Variants in UBE2S observed in about 807,000 individuals in gnomAD.
UBE2S encodes the protein ubiquitin-conjugating enzyme E2 S.
UBE2S carries 3 observed loss-of-function variants against 12.3 expected under a neutral mutation model. The observed-to-expected ratio is 0.24, with a 90% CI of 0.11 to 0.63. The LOEUF (loss-of-function observed/expected upper bound fraction) is 0.63, where lower values mean the gene tolerates loss of function less well. Among genes scored for constraint, UBE2S ranks in the 30% least tolerant of loss-of-function variants. The pLI is 0.85. For synonymous variants in UBE2S, 133 were observed against 142.0 expected (o/e 0.94, Z 0.45); for missense variants, 211 against 313.9 (o/e 0.67, Z 2.48).
chr19:55,406,074 G>A (rs916769599), intron 2 of UBE2S, among the ~76,000 whole-genome samples: 41 of 152,318 alleles, frequency 2.7e-4, no homozygotes, highest in African/African-American at 9.1e-4. Flanking sequence ...AAAAGAGCTT[G>A]GCAGCTTCAT....
At chr19:55,407,079 CT>C in intron 1 of UBE2S, 117 bp from the exon 2 acceptor site, 1 of 1,296,348 alleles carries the variant, frequency 7.7e-7, no homozygotes, top group South Asian at 1.5e-5. Context: ...GTCAATCACC[CT>C]TGAACTCCCA....
chr19:55,402,785 G>T (rs575678180), intron 3 of UBE2S, among the ~76,000 whole-genome samples: 2 of 152,306 alleles, frequency 1.3e-5, no homozygotes, highest in South Asian at 4.1e-4. Flanking sequence ...CACCCCAGGG[G>T]AAGGGAGGCG....
chr19:55,403,247 A>G (rs906948243), intron 3 of UBE2S: 28 of 586,322 alleles, frequency 4.8e-5, no homozygotes, highest in Non-Finnish European at 7.3e-5. Context: ...TGAACTGTAT[A>G]CTTTGGAACT....
chr19:55,407,257 G>C (rs1021731203), intron 1 of UBE2S, among the ~76,000 whole-genome samples: 1 of 141,474 alleles, frequency 7.1e-6, no homozygotes, highest in Non-Finnish European at 1.5e-5. Context: ...GTAGGCCAGA[G>C]ATCTACTCTC....
At chr19:55,405,511 G>A (rs539530377) in intron 2 of UBE2S, among the ~76,000 whole-genome samples, 31 of 151,410 alleles carry the variant, frequency 2.0e-4, no homozygotes, top group African/African-American at 7.0e-4. Flanking sequence ...TCCGTTTAGA[G>A]AGAGAAAAAA....
chr19:55,400,726 T>C lies in UBE2S; in HGVS notation c.*710A>G, dbSNP rs1025633028. 4 of 152,462 alleles carry C rather than the reference T, an allele frequency of 2.6e-5. No homozygotes were observed. The highest frequency in any genetic ancestry group is 1.9e-4 in the East Asian group (1 of 5,186). The allele number at this position is 152,462 out of a possible 1,614,324, so 9.4% of individuals were successfully genotyped here. A position where few individuals can be genotyped will look rare whatever the true frequency, so the allele number is the denominator to read the frequency against. ...CACTGAGCAGAGACTAGCTCAGCCG[T>C]GTCCAGACTTCCAACACAAAGTCTG... On this transcript the variant is annotated 3_prime_UTR_variant, in exon 4 of 4. Transcript: ENST00000264552.
At chr19:55,406,696 T>G (rs896060039) in intron 2 of UBE2S, 119 bp downstream of exon 2, 4 of 1,303,556 alleles carry the variant, frequency 3.1e-6, no homozygotes, top group Non-Finnish European at 4.2e-6. Flanking sequence ...TGTCCACCAA[T>G]GCATCCCAAC....
In UBE2S at chr19:55,404,079, G is replaced by A. The variant is rs1026458021; in HGVS notation, c.342+209C>T. 1.7e-5 allele frequency: 10 copies of A among 591,320 alleles called. No homozygotes were observed. The highest frequency in any genetic ancestry group is 3.1e-5 in the Admixed American group (1 of 32,336). 36.6% of individuals were successfully genotyped at this position (591,320 alleles called of 1,614,324 possible). A position where few individuals can be genotyped will look rare whatever the true frequency, so the allele number is the denominator to read the frequency against. On this transcript the variant is annotated intron_variant, in intron 3 of 3. Coordinates refer to ENST00000264552, the MANE Select transcript of UBE2S (RefSeq NM_014501.3). The surrounding 1 kb of genome is among the most constrained non-coding windows in gnomAD (Gnocchi z 4.4). ...AACTCACCACTCGTTGCATAGTAAG[G>A]TGCTCCTGGGCACTTCTCAACAGTA... is the stretch of plus-strand genomic sequence containing the variant.
At chr19:55,401,867 C>A in intron 3 of UBE2S, 105 bp from the exon 4 acceptor site, 1 of 1,241,178 alleles carries the variant, frequency 8.1e-7, no homozygotes, top group Non-Finnish European at 1.1e-6. Context: ...CTGCTCCCAA[C>A]TCAGCTGCAG....
At chr19:55,403,364 G>A (rs1600320175) in intron 3 of UBE2S, 2 of 428,792 alleles carry the variant, frequency 4.7e-6, no homozygotes, top group East Asian at 3.8e-5. Context: ...TGGTGCATGC[G>A]TGTAATACCA....
At position 55,401,053 on chromosome 19, in the gene UBE2S, G is replaced by A. The variant is rs1296925325; in HGVS notation, c.*383C>T. 3 of 235,118 alleles carry A rather than the reference G, an allele frequency of 1.3e-5. No individual in the cohort carries two copies. The highest frequency in any genetic ancestry group is 1.1e-4 in the East Asian group (1 of 8,742). The allele number at this position is 235,118 out of a possible 1,614,324, so 14.6% of individuals were successfully genotyped here. A position where few individuals can be genotyped will look rare whatever the true frequency, so the allele number is the denominator to read the frequency against. ...CCACCAGGAGCAGCTCCAGGTCCTC[G>A]CCCCATTTTAGATTGGAAATCTGAC... On this transcript the variant is annotated 3_prime_UTR_variant, in exon 4 of 4. Coordinates refer to ENST00000264552, the MANE Select transcript of UBE2S (RefSeq NM_014501.3).
rs932918238 is a variant in UBE2S, at chr19:55,404,651, A to C, written c.152-173T>G. On this transcript the variant is annotated intron_variant, in intron 2 of 3. Coordinates refer to ENST00000264552, the MANE Select transcript of UBE2S (RefSeq NM_014501.3). The surrounding 1 kb of genome is among the most constrained non-coding windows in gnomAD (Gnocchi z 4.4). ...TTTTTGAAATAAGGTCTCTTGTGTC[A>C]CCCAGGCTGGAGTGCAGTGGCACAA... Among the ~76,000 whole-genome samples the C allele has an allele frequency of 2.0e-5, 3 of 152,122 alleles. No homozygotes were observed. Among genetic ancestry groups the C allele is most frequent in the Non-Finnish European group, 4.4e-5 (3 of 68,020 alleles).
rs150863082 is a variant in UBE2S, at chr19:55,403,056, A to G, written c.342+1232T>C. ...CCAGGTCATTCTGTGTCATGGAGCC[A>G]TCTCGTACGCTGCAGGATTTGGGCA... is the stretch of plus-strand genomic sequence containing the variant. On this transcript the variant is annotated intron_variant, in intron 3 of 3. Transcript: ENST00000264552. 11,166 of 1,389,590 alleles carry G rather than the reference A, an allele frequency of 8.0e-3. 131 individuals carry two copies. Among genetic ancestry groups the G allele is most frequent in the South Asian group, 0.035 (2,831 of 81,278 alleles). 86.1% of individuals were successfully genotyped at this position (1,389,590 alleles called of 1,614,324 possible).
At chr19:55,405,754 G>C (rs1425799010) in intron 2 of UBE2S, among the ~76,000 whole-genome samples, 1 of 152,096 alleles carries the variant, frequency 6.6e-6, no homozygotes, top group Non-Finnish European at 1.5e-5. Context: ...TCAGATCAAG[G>C]ATCCAACTGT....
rs2090051415 is a variant in UBE2S, at chr19:55,400,797, GA to G, written c.*638del. ...CGCTGGCTTTGTGATCTGTTGTGCA[GA>G]AATACATGTGGGAACAGGCTTTGCT... On this transcript the variant is annotated 3_prime_UTR_variant, in exon 4 of 4. Transcript: ENST00000264552. 6.5e-6 allele frequency: 1 copy of G among 152,766 alleles called. No individual in the cohort carries two copies. Among genetic ancestry groups the G allele is most frequent in the South Asian group, 2.1e-4 (1 of 4,850 alleles). 9.5% of individuals were successfully genotyped at this position (152,766 alleles called of 1,614,324 possible).
Position 55,401,633 on chromosome 19 carries a change from C to T in UBE2S, c.472G>A (p.Ala158Thr), listed in dbSNP as rs556845857. 64 of 1,605,812 alleles carry T rather than the reference C, an allele frequency of 4.0e-5. No homozygotes were observed. In the African/African-American group the frequency reaches 6.3e-4, roughly 16 times the overall value. The stretch of plus-strand genomic sequence containing the variant: ...TCGGCCCTGCCGCTGGGCCCGCCGG[C>T]GCCCCCGTGGATCTCTGTGAGCAGA... ...ARLLTEIHGG[A>T]GGPSGRAEAG... Residue 158 changes from alanine (A) to threonine (T), a missense_variant, in exon 4 of 4, where the codon GCC becomes ACC. Ala to Thr is a moderately conservative substitution (Grantham distance 58). This residue lies in a region of UBE2S where 127 missense variants were observed against 224.0 expected (regional missense o/e 0.57). Transcript: ENST00000264552.
Position 55,400,053 on chromosome 19 carries a change from A to AG in UBE2S, c.*1382dup, listed in dbSNP as rs2090045918. ...GTCACTGGAGGCAAGGGCTCAAGGAAGGGTCAGACCCCTTTCAGAGGCTGA... is the reference window on the plus strand; with the variant it reads ...GTCACTGGAGGCAAGGGCTCAAGGAAGGGGTCAGACCCCTTTCAGAGGCTGA... On this transcript the variant is annotated 3_prime_UTR_variant, in exon 4 of 4. Transcript: ENST00000264552. 6.6e-6 allele frequency: 1 copy of AG among 152,168 alleles called. No homozygotes were observed. Among genetic ancestry groups the AG allele is most frequent in the Admixed American group, 6.5e-5 (1 of 15,276 alleles). 9.4% of individuals were successfully genotyped at this position (152,168 alleles called of 1,614,324 possible).
chr19:55,406,745 T>TAGGGTGATCTAGAGC (rs1568442279), intron 2 of UBE2S, 70 bp downstream of exon 2: 1 of 1,544,972 alleles, frequency 6.5e-7, no homozygotes. Context: ...TACTTCCCGC[T>TAGGGTGATCTAGAGC]AGGGTGATCT....
intron 1 of UBE2S, 116 bp from the exon 2 acceptor site, chr19:55,407,078 C>T (rs941719443): frequency 1.5e-6 from 2 of 1,294,948 alleles, no homozygotes; most frequent in Admixed American, 2.4e-5. Context: ...TGTCAATCAC[C>T]CTTGAACTCC....
Sources: allele counts gnomAD v4.1 joint callset (sites outside exome capture counted in the v4.1 genomes callset), GRCh38; gene constraint gnomAD v4.1.1; regional missense constraint gnomAD v4.1.1; non-coding constraint Gnocchi (gnomAD v3.1); transcripts MANE v1.5; gene names NCBI Gene and HGNC (gene_info 2026-07-23, HGNC 2026-07-21).